ADD3: variants seen among roughly 807,000 people sequenced by gnomAD.
The protein encoded by ADD3 is gamma-adducin.
A neutral mutation model predicts 80.2 loss-of-function variants in ADD3; 25 were observed. That is an observed-to-expected ratio of 0.31 (90% CI 0.23 to 0.44). ADD3 has a LOEUF of 0.44. Among genes scored for constraint, ADD3 ranks in the 20% least tolerant of loss-of-function variants. The pLI is 1.00. For missense variants in ADD3, 829 were observed against 847.5 expected, an observed-to-expected ratio of 0.98 and a Z score of 0.27; for synonymous variants, 284 against 289.6, an observed-to-expected ratio of 0.98 and a Z score of 0.20.
chr10:110,052,536 T>C (rs757709823), intron 1 of ADD3, among the ~76,000 whole-genome samples: 25 of 152,218 alleles, frequency 1.6e-4, no homozygotes, highest in Non-Finnish European at 2.5e-4. Context: ...CACAGTTCCA[T>C]TGGGAAACCA....
intron 1 of ADD3, among the ~76,000 whole-genome samples, chr10:110,043,931 G>A (rs190500954): frequency 2.8e-4 from 43 of 152,284 alleles, no homozygotes; most frequent in Admixed American, 2.4e-3. Context: ...TGAACAGGCC[G>A]GGTGCGGTGG....
intron 6 of ADD3, 124 bp downstream of exon 6, chr10:110,118,860 C>T: frequency 3.9e-6 from 4 of 1,034,400 alleles, no homozygotes; most frequent in Admixed American, 2.7e-5. Context: ...TCTGCATACC[C>T]AGAAAGCAAA....
rs557081882 is a variant in ADD3, at chr10:110,109,204, T to G, written c.196-3573T>G. On this transcript the variant is annotated intron_variant, in intron 2 of 14. Transcript: ENST00000356080. ...TTCTCACCAGTTTAATAAATTGTGA[T>G]TCTCTTGAGTACCTGGTTGATTTTT... 2.6e-5 allele frequency among the ~76,000 whole-genome samples: 4 copies of G among 152,296 alleles called. No homozygotes were observed. In the South Asian group the frequency reaches 6.2e-4, roughly 24 times the overall value.
intron 1 of ADD3, among the ~76,000 whole-genome samples, chr10:110,053,960 C>T (rs569631033): frequency 2.0e-5 from 3 of 152,198 alleles, no homozygotes; most frequent in East Asian, 1.9e-4. Flanking sequence ...GAAAACAAAC[C>T]GACCTGGAAA....
rs1294330413 is a variant in ADD3 at position 110,074,665 on chromosome 10, TAAC to T, written c.-29-25957_-29-25955del. ...ATCTTTCTCTTTTTGCTAACTTTCATAACAATAACTAATCGCAAGTCATTTTAT... is the reference window on the plus strand; with the variant it reads ...ATCTTTCTCTTTTTGCTAACTTTCATAATAACTAATCGCAAGTCATTTTAT... On this transcript the variant is annotated intron_variant, in intron 1 of 14. Transcript: ENST00000356080. 2.6e-5 allele frequency among the ~76,000 whole-genome samples: 4 copies of T among 152,278 alleles called. No homozygotes were observed. The East Asian group carries it at 7.7e-4, about 29-fold the overall frequency.
At chr10:110,006,530 C>G (rs1040133680), upstream of ADD3, among the ~76,000 whole-genome samples, 2 of 152,166 alleles carry the variant, frequency 1.3e-5, no homozygotes, top group African/African-American at 4.8e-5. Context: ...AACTAGGCAG[C>G]CTTCCCCACG....
intron 1 of ADD3, among the ~76,000 whole-genome samples, chr10:110,020,599 C>A (rs1287256935): frequency 6.6e-6 from 1 of 152,146 alleles, no homozygotes; most frequent in Non-Finnish European, 1.5e-5. Flanking sequence ...TAACTTCAAA[C>A]AGAGGTGTGG....
At chr10:110,100,223 G>A (rs775855017) in intron 1 of ADD3, among the ~76,000 whole-genome samples, 4 of 151,912 alleles carry the variant, frequency 2.6e-5, no homozygotes, top group African/African-American at 4.8e-5. Context: ...GGTGGCACGC[G>A]CCTGTAGTCC....
chr10:110,077,319 AAC>A (rs748013408), intron 1 of ADD3, among the ~76,000 whole-genome samples: 7 of 151,654 alleles, frequency 4.6e-5, no homozygotes, highest in Non-Finnish European at 7.4e-5. Flanking sequence ...CTCTTTCTTA[AAC>A]AGTTTACTGA....
chr10:110,033,025 T>C (rs1342620590), intron 1 of ADD3, among the ~76,000 whole-genome samples: 1 of 152,244 alleles, frequency 6.6e-6, no homozygotes, highest in Non-Finnish European at 1.5e-5. Flanking sequence ...GAGGGGAATG[T>C]GGACCTAATT....
At chr10:110,060,611 C>T (rs1564909064) in intron 1 of ADD3, among the ~76,000 whole-genome samples, 1 of 152,232 alleles carries the variant, frequency 6.6e-6, no homozygotes, top group East Asian at 1.9e-4. Context: ...TCTTTCATCT[C>T]ACTATCCTAA....
intron 1 of ADD3, among the ~76,000 whole-genome samples, chr10:109,997,292 C>T (rs2133660357): frequency 6.6e-6 from 1 of 152,178 alleles, no homozygotes; most frequent in East Asian, 1.9e-4. Context: ...TGGGGTCAGC[C>T]CCTATCTCAG....
At chr10:110,007,292 C>T (rs1851717779), upstream of ADD3, among the ~76,000 whole-genome samples, 1 of 152,164 alleles carries the variant, frequency 6.6e-6, no homozygotes, top group African/African-American at 2.4e-5. Flanking sequence ...CCTGTCCTCC[C>T]CCTATGTGGA....
intron 1 of ADD3, among the ~76,000 whole-genome samples, chr10:110,041,837 A>G (rs1856403262): frequency 6.6e-6 from 1 of 151,926 alleles, no homozygotes; most frequent in Non-Finnish European, 1.5e-5. Flanking sequence ...ATTACTTAAA[A>G]CTCCCAGGCT....
chr10:110,092,352 A>T (rs979383022), intron 1 of ADD3, among the ~76,000 whole-genome samples: 2 of 152,240 alleles, frequency 1.3e-5, no homozygotes, highest in African/African-American at 2.4e-5. Context: ...AATGAAGAAA[A>T]TTTGGTACAT....
At chr10:110,124,894 T>C in intron 10 of ADD3, among the ~76,000 whole-genome samples, 1 of 152,226 alleles carries the variant, frequency 6.6e-6, no homozygotes, top group East Asian at 1.9e-4. Flanking sequence ...AACACAAATT[T>C]GTAAACTTTA....
chr10:110,110,389 T>C (rs1374348674), intron 2 of ADD3, among the ~76,000 whole-genome samples: 2 of 152,176 alleles, frequency 1.3e-5, no homozygotes, highest in Non-Finnish European at 2.9e-5. Flanking sequence ...CCCTGCCCCA[T>C]GGTAGAATGT....
chr10:110,005,125 C>G (rs1589684215), upstream of ADD3, among the ~76,000 whole-genome samples: 1 of 152,042 alleles, frequency 6.6e-6, no homozygotes, highest in Non-Finnish European at 1.5e-5. Flanking sequence ...TGCAGTGGCG[C>G]GATCTTGGCT....
chr10:110,092,957 TCAA>T (rs1847729231), intron 1 of ADD3, among the ~76,000 whole-genome samples: 1 of 152,084 alleles, frequency 6.6e-6, no homozygotes, highest in Non-Finnish European at 1.5e-5. Context: ...CCTCCTGGGT[TCAA>T]GCAATTCTCT....
Sources: gnomAD v4.1 joint callset for allele counts (sites outside exome capture counted in the v4.1 genomes callset) on GRCh38, gnomAD v4.1.1 for gene constraint, MANE v1.5 for transcripts, NCBI Gene and HGNC (gene_info 2026-07-23, HGNC 2026-07-21) for gene names.